Variants in DNAJB12 observed in about 807,000 individuals in gnomAD.
DNAJB12 encodes dnaJ homolog subfamily B member 12.
Under a neutral mutation model 40.6 loss-of-function variants are expected in DNAJB12, and 14 were observed. The ratio of observed to expected loss-of-function variants is 0.34; its 90% CI spans 0.23 to 0.54. The LOEUF is 0.54. DNAJB12 is among the 20% of genes least tolerant of loss of function. DNAJB12 has a pLI of 0.92. For synonymous variants in DNAJB12, 181 were observed against 199.5 expected (o/e 0.91, Z 0.78); for missense variants, 444 against 501.7 (o/e 0.89, Z 1.10).
intron 1 of DNAJB12, among the ~76,000 whole-genome samples, chr10:72,345,363 A>G (rs1861756862): frequency 6.6e-6 from 1 of 152,116 alleles, no homozygotes; most frequent in Non-Finnish European, 1.5e-5. Flanking sequence ...GCATTTTGGG[A>G]GGCTGAGGCA....
chr10:72,354,661 C>T, intron 1 of DNAJB12, 104 bp downstream of exon 1: 1 of 1,116,120 alleles, frequency 9.0e-7, no homozygotes, highest in South Asian at 1.5e-5. Context: ...GGCGTAGCCG[C>T]GCCTCGCCAC....
intron 5 of DNAJB12, 150 bp downstream of exon 5, chr10:72,340,639 G>A: frequency 1.4e-6 from 1 of 739,622 alleles, no homozygotes; most frequent in Non-Finnish European, 2.2e-6. Flanking sequence ...GAATGGCAAG[G>A]GAGGCCCAGA....
At chr10:72,345,877 G>A (rs1473468253) in intron 1 of DNAJB12, among the ~76,000 whole-genome samples, 1 of 136,602 alleles carries the variant, frequency 7.3e-6, no homozygotes, top group Non-Finnish European at 1.5e-5. Context: ...CTGGGCGACA[G>A]AGCAAGGATC....
chr10:72,338,398 G>A, intron 5 of DNAJB12, 87 bp from the exon 6 acceptor site: 2 of 1,089,154 alleles, frequency 1.8e-6, no homozygotes, highest in East Asian at 2.5e-5. Context: ...TAGAATAGTG[G>A]AGCCTGGGGA....
chr10:72,339,069 G>A (rs1321470065), intron 5 of DNAJB12, among the ~76,000 whole-genome samples: 2 of 151,448 alleles, frequency 1.3e-5, no homozygotes, highest in Non-Finnish European at 2.9e-5. Context: ...AGACCAGCCT[G>A]TGCTCAAACA....
chr10:72,351,895 C>A (rs550449430), intron 1 of DNAJB12, among the ~76,000 whole-genome samples: 2 of 152,364 alleles, frequency 1.3e-5, no homozygotes, highest in East Asian at 1.9e-4. Context: ...CTTCCCATCT[C>A]AGTTCTTCAG....
rs1240579526 is a variant in DNAJB12, at chr10:72,345,131, T to G, written c.134-4A>C. The G allele has an allele frequency of 1.2e-6, 2 of 1,600,802 alleles. No homozygotes were observed. Among genetic ancestry groups the G allele is most frequent in the African/African-American group, 1.3e-5 (1 of 74,534 alleles). ...TGGTTGAGGGACTCAATCAGGGCTG[T>G]GCAAGGCAAGGAAACCATTCAGAGC... On this transcript the variant is annotated splice_polypyrimidine_tract_variant and splice_region_variant and intron_variant, in intron 1 of 8. Coordinates refer to ENST00000444643, the MANE Select transcript of DNAJB12 (RefSeq NM_017626.7).
At chr10:72,343,539 G>A (rs1413442187) in intron 2 of DNAJB12, 28 bp from the exon 3 acceptor site, 1 of 1,613,338 alleles carries the variant, frequency 6.2e-7, no homozygotes, top group Non-Finnish European at 8.5e-7. Flanking sequence ...CATGGTACGG[G>A]GTGCTCTACA....
chr10:72,345,254 T>A, intron 1 of DNAJB12, 127 bp from the exon 2 acceptor site: 1 of 1,096,424 alleles, frequency 9.1e-7, no homozygotes, highest in Non-Finnish European at 1.3e-6. Flanking sequence ...TGATTAGGCC[T>A]GTGGGTGCTG....
rs376649064 is a variant in DNAJB12, at chr10:72,335,959, C to T, written c.1007-28G>A. ...GCAAAGCAATGGGACAGGGTTAGTG[C>T]ACACCCAGTACCTCCCGAAGCCTGC... is the stretch of plus-strand genomic sequence containing the variant. On this transcript the variant is annotated intron_variant, in intron 7 of 8. Coordinates refer to ENST00000444643, the MANE Select transcript of DNAJB12 (RefSeq NM_017626.7). The surrounding 1 kb of genome is among the most constrained non-coding windows in gnomAD (Gnocchi z 4.4). 5 of 1,613,086 alleles carry T rather than the reference C, an allele frequency of 3.1e-6. No individual in the cohort carries two copies. Among genetic ancestry groups the T allele is most frequent in the Non-Finnish European group, 3.4e-6 (4 of 1,179,350 alleles).
chr10:72,338,868 A>C (rs1861550412), intron 5 of DNAJB12, among the ~76,000 whole-genome samples: 1 of 127,962 alleles, frequency 7.8e-6, no homozygotes, highest in Admixed American at 7.2e-5. Flanking sequence ...CAGAAAAAGC[A>C]AACAAACAAA....
At chr10:72,354,693 T>C (rs1237873821) in intron 1 of DNAJB12, 72 bp downstream of exon 1, 2 of 1,269,544 alleles carry the variant, frequency 1.6e-6, no homozygotes, top group Non-Finnish European at 2.2e-6. Context: ...CCCCAACTGC[T>C]CCCGTCGGTC....
chr10:72,351,612 G>A (rs947585573), intron 1 of DNAJB12, among the ~76,000 whole-genome samples: 9 of 152,216 alleles, frequency 5.9e-5, no homozygotes, highest in Admixed American at 4.6e-4. Flanking sequence ...TGCCCTCTCC[G>A]GGGACTGCCT....
At chr10:72,354,135 A>G (rs1862003737) in intron 1 of DNAJB12, 1 of 152,208 alleles carries the variant, frequency 6.6e-6, no homozygotes, top group South Asian at 2.0e-4. Flanking sequence ...AGCACCTCCC[A>G]CCAGGCCACC....
intron 1 of DNAJB12, among the ~76,000 whole-genome samples, chr10:72,350,398 CAAAAAAAAAAA>C (rs35316232): frequency 1.3e-3 from 37 of 27,820 alleles, no homozygotes; most frequent in East Asian, 2.5e-3. Flanking sequence ...GACCCTGTCT[CAAAAAAAAAAA>C]AAAAAAAAAA....
At chr10:72,336,045 C>T (rs1353405135) in intron 7 of DNAJB12, 114 bp from the exon 8 acceptor site, 2 of 1,345,926 alleles carry the variant, frequency 1.5e-6, no homozygotes, top group African/African-American at 2.9e-5. Flanking sequence ...GGGGCTTGGG[C>T]AGGGCTGGCC....
intron 5 of DNAJB12, among the ~76,000 whole-genome samples, chr10:72,340,478 CA>C (rs1251452773): frequency 4.6e-5 from 7 of 152,224 alleles, no homozygotes; most frequent in Non-Finnish European, 1.5e-5. Context: ...TTGGCCTTAC[CA>C]GCGAGCGGTC....
chr10:72,353,892 G>C (rs1390477388), intron 1 of DNAJB12: 2 of 152,194 alleles, frequency 1.3e-5, no homozygotes, highest in African/African-American at 2.4e-5. Context: ...AGCACCACCC[G>C]GTGTCTCTCT....
At chr10:72,343,644 T>C in intron 2 of DNAJB12, 133 bp from the exon 3 acceptor site, 1 of 936,150 alleles carries the variant, frequency 1.1e-6, no homozygotes, top group Non-Finnish European at 1.6e-6. Context: ...GACAGCTCCT[T>C]GGGTCAGCTG....
Sources: allele counts gnomAD v4.1 joint callset (sites outside exome capture counted in the v4.1 genomes callset), GRCh38; gene constraint gnomAD v4.1.1; non-coding constraint Gnocchi (gnomAD v3.1); transcripts MANE v1.5; gene names NCBI Gene and HGNC (gene_info 2026-07-23, HGNC 2026-07-21).